Variants in MITF observed in about 807,000 individuals in gnomAD.
MITF encodes the protein melanocyte inducing transcription factor, also known as microphthalmia-associated transcription factor.
A neutral mutation model predicts 60.5 loss-of-function variants in MITF; 17 were observed. The ratio of observed to expected loss-of-function variants is 0.28; its 90% confidence interval spans 0.19 to 0.42. The LOEUF is 0.42. MITF is among the 10% of genes least tolerant of loss of function. MITF has a pLI of 1.00. For missense variants in MITF, 622 were observed against 683.5 expected (o/e 0.91, Z 1.00); for synonymous variants, 260 against 248.5 (o/e 1.05, Z -0.43).
chr3:69,962,417 C>T (rs1473442791), intron 9 of MITF, among the ~76,000 whole-genome samples: 1 of 152,146 alleles, frequency 6.6e-6, no homozygotes, highest in Non-Finnish European at 1.5e-5. Flanking sequence ...ACTTGTGTGA[C>T]ATGTCAAGCT....
chr3:69,844,050 A>G (rs762815643), intron 1 of MITF, among the ~76,000 whole-genome samples: 1 of 152,094 alleles, frequency 6.6e-6, no homozygotes, highest in Non-Finnish European at 1.5e-5. Context: ...AGCTTCATCC[A>G]TGTCCCTGCA....
At chr3:69,760,253 T>C (rs764506833) in intron 1 of MITF, among the ~76,000 whole-genome samples, 2 of 151,592 alleles carry the variant, frequency 1.3e-5, no homozygotes, top group Non-Finnish European at 2.9e-5. Flanking sequence ...CACAGAGAGA[T>C]TATGGACCAT....
intron 2 of MITF, among the ~76,000 whole-genome samples, chr3:69,929,787 C>G (rs1273906016): frequency 2.0e-5 from 3 of 152,036 alleles, no homozygotes; most frequent in Non-Finnish European, 4.4e-5. Flanking sequence ...GGAAGCTTTC[C>G]ATCATCTAAG....
chr3:69,928,279 GTTTAT>G (rs1340376273), intron 2 of MITF, among the ~76,000 whole-genome samples: 43 of 152,086 alleles, frequency 2.8e-4, no homozygotes, highest in Admixed American at 2.7e-3. Flanking sequence ...GTTTATATCC[GTTTAT>G]TTTATTTTAT....
chr3:69,821,098 A>G (rs1009354321), intron 1 of MITF, among the ~76,000 whole-genome samples: 1 of 152,192 alleles, frequency 6.6e-6, no homozygotes, highest in Non-Finnish European at 1.5e-5. Flanking sequence ...AGTCAAAAAC[A>G]GGAACCCTTT....
At chr3:69,895,789 A>G (rs2064860376) in intron 2 of MITF, among the ~76,000 whole-genome samples, 1 of 148,974 alleles carries the variant, frequency 6.7e-6, no homozygotes, top group Admixed American at 6.8e-5. Context: ...TCATTCCTTA[A>G]GAGAGAATTG....
rs1367368 is a variant in MITF, at chr3:69,895,808, T to G, written c.354+16425T>G. Among the ~76,000 whole-genome samples the G allele has an allele frequency of 4.3e-5, 6 of 140,052 alleles. No homozygotes were observed. The South Asian group carries it at 9.3e-4, about 22-fold the overall frequency. The allele number at this position is 140,052 out of a possible 152,430, so 91.9% of individuals were successfully genotyped here. A position where few individuals can be genotyped will look rare whatever the true frequency, so the allele number is the denominator to read the frequency against. The stretch of plus-strand genomic sequence containing the variant: ...TCCTTAAGAGAGAATTGTGGAGTGT[T>G]TGTGTGTGTGTGTGTGTGTGTGTGT... On this transcript the variant is annotated intron_variant, in intron 2 of 9. Coordinates refer to ENST00000352241, the MANE Select transcript of MITF (RefSeq NM_001354604.2).
At position 69,778,932 on chromosome 3, in the gene MITF, A is replaced by G. The variant is rs2062519413; in HGVS notation, c.104+39231A>G. On this transcript the variant is annotated intron_variant, in intron 1 of 9. Transcript: ENST00000352241. ...GCTGATGTGCAAGTAAAAGCAGGGA[A>G]TGTATGATGGAAAATGTCATACCCT... 4 of 152,290 alleles carry G rather than the reference A, an allele frequency of 2.6e-5. No individual in the cohort carries two copies. The South Asian group carries it at 8.3e-4, about 32-fold the overall frequency. 9.4% of individuals were successfully genotyped at this position (152,290 alleles called of 1,614,324 possible).
intron 1 of MITF, among the ~76,000 whole-genome samples, chr3:69,825,572 ATGTCAAGCG>A (rs2063341097): frequency 6.6e-6 from 1 of 152,188 alleles, no homozygotes; most frequent in African/African-American, 2.4e-5. Flanking sequence ...TTAAGAGTGC[ATGTCAAGCG>A]TTGTTTCCTT....
At chr3:69,798,784 G>T (rs927313158) in intron 1 of MITF, among the ~76,000 whole-genome samples, 2 of 152,150 alleles carry the variant, frequency 1.3e-5, no homozygotes, top group African/African-American at 4.8e-5. Context: ...TCCCTGCACA[G>T]GGCCTTTGCA....
At chr3:69,833,691 TTACAC>T (rs2063491836) in intron 1 of MITF, among the ~76,000 whole-genome samples, 1 of 151,986 alleles carries the variant, frequency 6.6e-6, no homozygotes, top group Non-Finnish European at 1.5e-5. Context: ...GGTTCTCTGT[TTACAC>T]TGTATGTGGT....
At chr3:69,835,122 A>G (rs896129100) in intron 1 of MITF, among the ~76,000 whole-genome samples, 2 of 139,290 alleles carry the variant, frequency 1.4e-5, no homozygotes, top group Admixed American at 8.2e-5. Context: ...GCCTCAAGCC[A>G]TCATCCCATT....
At chr3:69,819,591 C>T (rs76278231) in intron 1 of MITF, among the ~76,000 whole-genome samples, 2,797 of 151,772 alleles carry the variant, frequency 0.018, 73 homozygotes, top group African/African-American at 0.063. Context: ...GCAACTAGAA[C>T]TTTCTGGGTT....
chr3:69,761,400 G>A (rs545173904), intron 1 of MITF, among the ~76,000 whole-genome samples: 92 of 152,306 alleles, frequency 6.0e-4, no homozygotes, highest in African/African-American at 2.1e-3. Context: ...TCTATCTTAA[G>A]TTACTCAAAT....
chr3:69,940,566 C>G (rs2065945358), intron 4 of MITF, among the ~76,000 whole-genome samples: 1 of 152,062 alleles, frequency 6.6e-6, no homozygotes, highest in Admixed American at 6.6e-5. Context: ...CTGGGGAGTA[C>G]CAAGCACACT....
chr3:69,840,821 T>G (rs1448165611), intron 1 of MITF, among the ~76,000 whole-genome samples: 1 of 151,464 alleles, frequency 6.6e-6, no homozygotes, highest in Non-Finnish European at 1.5e-5. Context: ...TGCTGCGATC[T>G]CAGCTCACTG....
chr3:69,883,539 A>G (rs1344433996), intron 2 of MITF, among the ~76,000 whole-genome samples: 1 of 152,204 alleles, frequency 6.6e-6, no homozygotes, highest in African/African-American at 2.4e-5. Flanking sequence ...TTTTTTAGGT[A>G]TAACACAGAA....
chr3:69,880,606 C>G (rs2064464219), intron 2 of MITF, among the ~76,000 whole-genome samples: 1 of 151,922 alleles, frequency 6.6e-6, no homozygotes, highest in Admixed American at 6.6e-5. Context: ...TCAGTTAACT[C>G]AAGGTTTTCT....
At chr3:69,898,297 G>C (rs1016012984) in intron 2 of MITF, among the ~76,000 whole-genome samples, 1 of 152,242 alleles carries the variant, frequency 6.6e-6, no homozygotes, top group African/African-American at 2.4e-5. Context: ...AAGGACCTGT[G>C]TCAGGAGAGA....
Sources: allele counts gnomAD v4.1 joint callset (sites outside exome capture counted in the v4.1 genomes callset), GRCh38; gene constraint gnomAD v4.1.1; transcripts MANE v1.5; gene names NCBI Gene and HGNC (gene_info 2026-07-23, HGNC 2026-07-21).